The following EPB41L1 variants were observed in gnomAD, a reference collection of about 807,000 sequenced individuals.
EPB41L1 encodes band 4.1-like protein 1.
In EPB41L1, 29 loss-of-function variants were observed where a neutral mutation model predicts 97.8. That is an observed-to-expected ratio of 0.30 (90% CI 0.22 to 0.40). The LOEUF (loss-of-function observed/expected upper bound fraction) is 0.40. EPB41L1 is among the 10% of genes least tolerant of loss of function. EPB41L1 has a pLI of 1.00. For synonymous variants in EPB41L1, 383 were observed against 459.2 expected (o/e 0.83, Z 2.12); for missense variants, 812 against 1,162.3 (o/e 0.70, Z 4.38).
intron 2 of EPB41L1, among the ~76,000 whole-genome samples, chr20:36,119,201 G>A (rs945840837): frequency 6.6e-6 from 1 of 152,260 alleles, no homozygotes; most frequent in East Asian, 1.9e-4. Context: ...GGGCTCAGGG[G>A]CTGCAATGCC....
At chr20:36,218,484 A>C (rs994671640) in intron 17 of EPB41L1, among the ~76,000 whole-genome samples, 4 of 152,210 alleles carry the variant, frequency 2.6e-5, no homozygotes, top group African/African-American at 9.6e-5. Flanking sequence ...CCTTTTTTAC[A>C]GATGAATCTG....
chr20:36,187,777 C>T lies in EPB41L1; in HGVS notation c.873+14C>T. ...CACCATGCCAAGGTACCACCAGCTTCCTGGGTTCCCCTAGTGTCTGGGTGG... is the reference window on the plus strand; with the variant it reads ...CACCATGCCAAGGTACCACCAGCTTTCTGGGTTCCCCTAGTGTCTGGGTGG... On this transcript the variant is annotated intron_variant, in intron 8 of 21. Transcript: ENST00000338074. 1 of 1,611,460 alleles carries T rather than the reference C, an allele frequency of 6.2e-7. No homozygotes were observed. Among genetic ancestry groups the T allele is most frequent in the Non-Finnish European group, 8.5e-7 (1 of 1,178,414 alleles).
rs2063605978 is a variant in EPB41L1 at position 36,218,968 on chromosome 20, T to C, written c.2355+6T>C. 1.2e-6 allele frequency: 2 copies of C among 1,613,908 alleles called. No homozygotes were observed. Among genetic ancestry groups the C allele is most frequent in the Non-Finnish European group, 1.7e-6 (2 of 1,179,924 alleles). ...AAATCCGTTCTCTTTCTCCGGTAAGTGGGCAAGGCCAGCTCAGGCTAGGGG... is the reference window on the plus strand; with the variant it reads ...AAATCCGTTCTCTTTCTCCGGTAAGCGGGCAAGGCCAGCTCAGGCTAGGGG... On this transcript the variant is annotated splice_donor_region_variant and intron_variant, in intron 18 of 21. Transcript: ENST00000338074.
intron 3 of EPB41L1, among the ~76,000 whole-genome samples, chr20:36,175,926 G>A (rs1009101284): frequency 6.6e-5 from 10 of 152,116 alleles, no homozygotes; most frequent in African/African-American, 2.2e-4. Context: ...AGAATTAGAC[G>A]AGGTACAGGG....
chr20:36,161,009 G>C (rs907170218), intron 1 of EPB41L1, among the ~76,000 whole-genome samples: 6 of 152,232 alleles, frequency 3.9e-5, no homozygotes, highest in Non-Finnish European at 5.9e-5. Flanking sequence ...AAAATCAAGT[G>C]AGAGAAGGAG....
chr20:36,165,978 C>T (rs1170415521), intron 1 of EPB41L1, among the ~76,000 whole-genome samples: 1 of 152,222 alleles, frequency 6.6e-6, no homozygotes, highest in African/African-American at 2.4e-5. Flanking sequence ...TGCCTCTTTG[C>T]ACGTGTGCAT....
At chr20:36,136,416 G>C (rs1416796906) in intron 2 of EPB41L1, among the ~76,000 whole-genome samples, 1 of 146,658 alleles carries the variant, frequency 6.8e-6, no homozygotes, top group African/African-American at 2.5e-5. Context: ...CTGGCCTCAA[G>C]TGATCCAACT....
chr20:36,103,495 T>C (rs1343940834), intron 1 of EPB41L1, among the ~76,000 whole-genome samples: 2 of 152,174 alleles, frequency 1.3e-5, no homozygotes, highest in Non-Finnish European at 2.9e-5. Flanking sequence ...TGTGTGACCT[T>C]GAGCAGATCA....
At chr20:36,099,924 G>A (rs1416939191) in intron 1 of EPB41L1, among the ~76,000 whole-genome samples, 1 of 152,210 alleles carries the variant, frequency 6.6e-6, no homozygotes, top group Non-Finnish European at 1.5e-5. Context: ...CCTGCTGTCA[G>A]GATTAGAACC....
chr20:36,200,573 T>C (rs2146593613), intron 14 of EPB41L1, among the ~76,000 whole-genome samples: 1 of 152,236 alleles, frequency 6.6e-6, no homozygotes, highest in East Asian at 1.9e-4. Flanking sequence ...ATGATATGGC[T>C]CCAACATCTC....
At chr20:36,215,919 T>C (rs1320006013) in intron 17 of EPB41L1, among the ~76,000 whole-genome samples, 2 of 152,322 alleles carry the variant, frequency 1.3e-5, no homozygotes, top group East Asian at 3.9e-4. Flanking sequence ...ACTTCCTGGC[T>C]GGATGACCTT....
intron 3 of EPB41L1, 85 bp downstream of exon 3, chr20:36,175,800 G>A: frequency 6.7e-7 from 1 of 1,487,670 alleles, no homozygotes; most frequent in South Asian, 1.2e-5. Flanking sequence ...ACCCAGCTTG[G>A]GCCAAACCAG....
rs1306055645 is a variant in EPB41L1 at position 36,212,937 on chromosome 20, C to CATA, written c.2184+562_2184+564dup. ...TGACCACCTGGAGAAAGCCGTCAGG[C>CATA]ATAGGCACAGGCCCACGACTTCCAG... On this transcript the variant is annotated intron_variant, in intron 16 of 21. Coordinates refer to ENST00000338074, the MANE Select transcript of EPB41L1 (RefSeq NM_012156.2). This position sits in a 1 kb window ranked among gnomAD's most constrained non-coding sequence, Gnocchi z 4.8. Among the ~76,000 whole-genome samples the CATA allele has an allele frequency of 2.6e-5, 4 of 152,250 alleles. No individual in the cohort carries two copies. Among genetic ancestry groups the CATA allele is most frequent in the African/African-American group, 9.6e-5 (4 of 41,466 alleles).
At chr20:36,097,221 G>T (rs576228747) in intron 1 of EPB41L1, among the ~76,000 whole-genome samples, 1 of 152,204 alleles carries the variant, frequency 6.6e-6, no homozygotes, top group African/African-American at 2.4e-5. Flanking sequence ...GTCCATCTCT[G>T]TAAAATGAAG....
rs2063206300 is a variant in EPB41L1, at chr20:36,212,740, T to G, written c.2184+364T>G. On this transcript the variant is annotated intron_variant, in intron 16 of 21. Transcript: ENST00000338074. The surrounding 1 kb of genome is among the most constrained non-coding windows in gnomAD (Gnocchi z 4.8). ...GAGGAGTTGGAGAGGTTTCTTGAGG[T>G]ATCTCAGGGGCTGCTTGAGGAGAGA... 6.6e-6 allele frequency among the ~76,000 whole-genome samples: 1 copy of G among 152,196 alleles called. No homozygotes were observed.
intron 15 of EPB41L1, among the ~76,000 whole-genome samples, 158 bp downstream of exon 15, chr20:36,210,056 G>A (rs912686679): frequency 6.6e-6 from 1 of 152,160 alleles, no homozygotes; most frequent in Non-Finnish European, 1.5e-5. Context: ...TTCTGTGCTC[G>A]CATGTTTGCC....
intron 18 of EPB41L1, 23 bp from the exon 19 acceptor site, chr20:36,219,738 T>C (rs767876300): frequency 3.7e-6 from 6 of 1,607,800 alleles, no homozygotes; most frequent in Non-Finnish European, 5.1e-6. Flanking sequence ...ACACCCTGGG[T>C]GGGGGGTGGT....
chr20:36,167,483 G>A (rs2145771544), intron 1 of EPB41L1, among the ~76,000 whole-genome samples: 1 of 152,146 alleles, frequency 6.6e-6, no homozygotes, highest in Non-Finnish European at 1.5e-5. Context: ...GAGGCGGGCG[G>A]ATTGCCTGAG....
chr20:36,171,160 A>G (rs1420636783), intron 1 of EPB41L1, among the ~76,000 whole-genome samples: 2 of 151,796 alleles, frequency 1.3e-5, no homozygotes, highest in South Asian at 4.2e-4. Flanking sequence ...TTTAAGCAAA[A>G]TTAAGTAGGC....
Sources: allele counts gnomAD v4.1 joint callset (sites outside exome capture counted in the v4.1 genomes callset), GRCh38; gene constraint gnomAD v4.1.1; non-coding constraint Gnocchi (gnomAD v3.1); transcripts MANE v1.5; gene names NCBI Gene and HGNC (gene_info 2026-07-23, HGNC 2026-07-21).